The following GRIA1 variants were observed in gnomAD, a reference collection of about 807,000 sequenced individuals.
The protein encoded by GRIA1 is glutamate receptor 1.
Under a neutral mutation model 99.2 loss-of-function variants are expected in GRIA1, and 31 were observed. The observed-to-expected ratio is 0.31, with a 90% CI of 0.23 to 0.42. The LOEUF is 0.42. Among genes scored for constraint, GRIA1 ranks in the 10% least tolerant of loss-of-function variants. The probability of loss-of-function intolerance (pLI) is 1.00; values close to 1 mark genes in which losing one functional copy is unlikely to be tolerated. For synonymous variants in GRIA1, 438 were observed against 432.4 expected (o/e 1.01, Z -0.16); for missense variants, 782 against 1,157.5 (o/e 0.68, Z 4.71).
Position 153,686,228 on chromosome 5 carries a change from C to G in GRIA1, c.1033C>G (p.Arg345Gly), listed in dbSNP as rs1164782325. 2 of 1,612,312 alleles carry G rather than the reference C, an allele frequency of 1.2e-6. No individual in the cohort carries two copies. Among genetic ancestry groups the G allele is most frequent in the African/African-American group, 2.7e-5 (2 of 74,834 alleles). ...IDIQRALQQV[R>G]FEGLTGNVQF... ...ACCACTTGGTTTTGTTTTCCAGGTG[C>G]GATTTGAAGGTTTAACAGGAAACGT... Residue 345 changes from arginine (R) to glycine (G), a missense_variant, in exon 8 of 16, where the codon CGA (arginine) becomes GGA (glycine). Arg to Gly is a moderately radical substitution (Grantham distance 125). This residue lies in a region of GRIA1 where 461 missense variants were observed against 521.7 expected (regional missense o/e 0.88). Coordinates refer to ENST00000285900, the MANE Select transcript of GRIA1 (RefSeq NM_000827.4).
chr5:153,782,348 TGACACTGAG>T (rs1048964000), intron 13 of GRIA1, among the ~76,000 whole-genome samples: 2 of 152,164 alleles, frequency 1.3e-5, no homozygotes, highest in Non-Finnish European at 2.9e-5. Context: ...AAATGAAAGC[TGACACTGAG>T]GATCACAGGA....
chr5:153,579,934 C>A (rs2149373981), intron 2 of GRIA1, among the ~76,000 whole-genome samples: 1 of 151,872 alleles, frequency 6.6e-6, no homozygotes, highest in South Asian at 2.1e-4. Context: ...TCACATTAAA[C>A]AATTAGGAAC....
chr5:153,792,567 A>C (rs1319386130), intron 13 of GRIA1, among the ~76,000 whole-genome samples: 2 of 152,222 alleles, frequency 1.3e-5, no homozygotes, highest in African/African-American at 4.8e-5. Context: ...AGGAGACAAG[A>C]GAAGGAAAGG....
intron 2 of GRIA1, among the ~76,000 whole-genome samples, chr5:153,639,792 G>C (rs994723052): frequency 2.0e-5 from 3 of 152,102 alleles, no homozygotes; most frequent in Non-Finnish European, 4.4e-5. Context: ...TTGTTGGATG[G>C]GTGAATGATT....
chr5:153,723,640 G>C (rs1760257599), intron 11 of GRIA1, among the ~76,000 whole-genome samples: 1 of 152,160 alleles, frequency 6.6e-6, no homozygotes, highest in Non-Finnish European at 1.5e-5. Context: ...CTCGCTGATT[G>C]CTAGCACAGC....
chr5:153,810,466 C>A (rs550976025), intron 15 of GRIA1, among the ~76,000 whole-genome samples: 32 of 152,302 alleles, frequency 2.1e-4, no homozygotes, highest in South Asian at 8.3e-4. Context: ...CAAACAATAT[C>A]ACATCCTCAA....
chr5:153,528,024 C>T (rs887605375), intron 2 of GRIA1, among the ~76,000 whole-genome samples: 1 of 152,164 alleles, frequency 6.6e-6, no homozygotes, highest in Non-Finnish European at 1.5e-5. Context: ...TTTATGAGTA[C>T]AGTTCATTTG....
intron 11 of GRIA1, among the ~76,000 whole-genome samples, chr5:153,714,834 A>T (rs1759552797): frequency 6.6e-6 from 1 of 152,246 alleles, no homozygotes; most frequent in Admixed American, 6.5e-5. Context: ...TCCAACGGAG[A>T]TAATAGGTGA....
At chr5:153,800,359 T>C (rs1001764880) in intron 14 of GRIA1, among the ~76,000 whole-genome samples, 6 of 152,222 alleles carry the variant, frequency 3.9e-5, no homozygotes, top group African/African-American at 1.2e-4. Context: ...AAGAAATACA[T>C]GCCTTCTGAA....
intron 11 of GRIA1, among the ~76,000 whole-genome samples, chr5:153,735,167 C>T (rs1373648149): frequency 6.6e-6 from 1 of 152,082 alleles, no homozygotes; most frequent in Non-Finnish European, 1.5e-5. Context: ...GTAAAATAGA[C>T]CATTACAGAT....
chr5:153,654,557 C>T (rs1322825021), intron 4 of GRIA1, among the ~76,000 whole-genome samples: 3 of 152,126 alleles, frequency 2.0e-5, no homozygotes, highest in Non-Finnish European at 4.4e-5. Context: ...AGTATTTGAG[C>T]TCCGTGGTCT....
At chr5:153,540,816 T>C (rs965974197) in intron 2 of GRIA1, among the ~76,000 whole-genome samples, 1 of 152,068 alleles carries the variant, frequency 6.6e-6, no homozygotes, top group African/African-American at 2.4e-5. Context: ...AAAAACCCAG[T>C]CCTACAAATA....
chr5:153,705,780 G>A lies in GRIA1; in HGVS notation c.1536G>A (p.Leu512=), dbSNP rs755192159. The change falls in exon 11 of 16, where the codon TTG becomes TTA. Residue 512 remains leucine (L), a synonymous_variant. Coordinates refer to ENST00000285900, the MANE Select transcript of GRIA1 (RefSeq NM_000827.4). ...ATTTCTCCAAACCATTTATGAGTTTGGGGATCTCCATCATGATTAAAAAAC... is the reference window on the plus strand; with the variant it reads ...ATTTCTCCAAACCATTTATGAGTTTAGGGATCTCCATCATGATTAAAAAAC... ...VIDFSKPFMS[L]GISIMIKKPQ... is the part of the protein sequence containing the mutation. 15 of 1,549,570 alleles carry A rather than the reference G, an allele frequency of 9.7e-6. No individual in the cohort carries two copies. The highest frequency in any genetic ancestry group is 8.7e-7 in the Non-Finnish European group (1 of 1,145,332).
At chr5:153,774,419 T>C (rs1353685023) in intron 13 of GRIA1, among the ~76,000 whole-genome samples, 3 of 152,180 alleles carry the variant, frequency 2.0e-5, no homozygotes, top group Admixed American at 2.0e-4. Context: ...TAAAGGACTG[T>C]TTAACTACTC....
At chr5:153,716,199 G>A (rs1423094911) in intron 11 of GRIA1, among the ~76,000 whole-genome samples, 2 of 152,168 alleles carry the variant, frequency 1.3e-5, no homozygotes, top group African/African-American at 4.8e-5. Context: ...TGAAAACTCT[G>A]CCTGGTATAT....
Position 153,603,529 on chromosome 5 carries a change from A to AT in GRIA1, c.221-43397dup, listed in dbSNP as rs201925111. 3.3e-4 allele frequency among the ~76,000 whole-genome samples: 46 copies of AT among 140,526 alleles called. No homozygotes were observed. The East Asian group carries it at 6.1e-3, about 19-fold the overall frequency. The allele number at this position is 140,526 out of a possible 152,430, so 92.2% of individuals were successfully genotyped here. A position where few individuals can be genotyped will look rare whatever the true frequency, so the allele number is the denominator to read the frequency against. On this transcript the variant is annotated intron_variant, in intron 2 of 15. Transcript: ENST00000285900. The stretch of plus-strand genomic sequence containing the variant: ...CCCTAAAACTTAAAGTATAATAATA[A>AT]TTAAAAAAAAACAGTTACCAGTATT...
intron 2 of GRIA1, among the ~76,000 whole-genome samples, chr5:153,540,461 T>A (rs1434945153): frequency 1.3e-5 from 2 of 152,160 alleles, no homozygotes; most frequent in Non-Finnish European, 2.9e-5. Flanking sequence ...AAACTAAGTC[T>A]CAACCTGAAC....
intron 2 of GRIA1, among the ~76,000 whole-genome samples, chr5:153,626,210 A>T (rs1050578657): frequency 1.3e-5 from 2 of 152,228 alleles, no homozygotes; most frequent in Non-Finnish European, 2.9e-5. Context: ...AAAGTTCTAG[A>T]TGATTTTAAA....
intron 2 of GRIA1, among the ~76,000 whole-genome samples, chr5:153,524,090 C>T (rs866636119): frequency 2.0e-5 from 3 of 152,140 alleles, no homozygotes; most frequent in African/African-American, 7.2e-5. Flanking sequence ...CACTTTGGGA[C>T]GCTGAGGCAG....
Sources: allele counts gnomAD v4.1 joint callset (sites outside exome capture counted in the v4.1 genomes callset), GRCh38; gene constraint gnomAD v4.1.1; regional missense constraint gnomAD v4.1.1; transcripts MANE v1.5; gene names NCBI Gene and HGNC (gene_info 2026-07-23, HGNC 2026-07-21).